PLPP4: variants seen among roughly 807,000 people sequenced by gnomAD.
PLPP4 encodes phospholipid phosphatase 4.
In PLPP4, 20 loss-of-function variants were observed where a neutral mutation model predicts 32.2. That is an observed-to-expected ratio of 0.62 (90% confidence interval 0.44 to 0.90). PLPP4 has a LOEUF of 0.90. PLPP4 is among the 40% of genes least tolerant of loss of function. PLPP4 has a pLI of 0.00. For missense variants in PLPP4, 257 were observed against 353.1 expected, an observed-to-expected ratio of 0.73 and a Z score of 2.18; for synonymous variants, 127 against 133.0, an observed-to-expected ratio of 0.95 and a Z score of 0.31.
intron 1 of PLPP4, among the ~76,000 whole-genome samples, chr10:120,501,717 T>G (rs1332245169): frequency 6.6e-6 from 1 of 152,230 alleles, no homozygotes; most frequent in Non-Finnish European, 1.5e-5. Context: ...TATCATTTAG[T>G]TCAATGCTGG....
chr10:120,483,970 T>C (rs567567931), intron 1 of PLPP4, among the ~76,000 whole-genome samples: 1 of 152,294 alleles, frequency 6.6e-6, no homozygotes, highest in Admixed American at 6.5e-5. Flanking sequence ...TATTTCTCTA[T>C]AGCAACACAA....
At chr10:120,530,169 A>G (rs756545382) in intron 5 of PLPP4, among the ~76,000 whole-genome samples, 1 of 152,342 alleles carries the variant, frequency 6.6e-6, no homozygotes, top group South Asian at 2.1e-4. Context: ...ATTAGCATCA[A>G]AATGCATAAA....
upstream of PLPP4, chr10:120,457,082 T>C (rs1405985387): frequency 2.4e-5 from 5 of 208,840 alleles, no homozygotes; most frequent in African/African-American, 1.2e-4. Context: ...GTCCGCAGTA[T>C]CGCCAGCGGC....
intron 3 of PLPP4, among the ~76,000 whole-genome samples, chr10:120,514,405 C>T (rs1337901406): frequency 6.6e-6 from 1 of 152,152 alleles, no homozygotes; most frequent in African/African-American, 2.4e-5. Flanking sequence ...ACAGACTCCT[C>T]GACCAAACAC....
chr10:120,541,798 G>A (rs796306898), intron 5 of PLPP4, among the ~76,000 whole-genome samples: 32 of 145,476 alleles, frequency 2.2e-4, no homozygotes, highest in African/African-American at 7.9e-4. Flanking sequence ...TTTTTGAGAT[G>A]GAGTCTCGCA....
intron 5 of PLPP4, among the ~76,000 whole-genome samples, chr10:120,526,074 T>C (rs1846374919): frequency 6.6e-6 from 1 of 152,128 alleles, no homozygotes; most frequent in Non-Finnish European, 1.5e-5. Context: ...ACTGTCTAGC[T>C]CTTTGTCTTT....
intron 1 of PLPP4, among the ~76,000 whole-genome samples, chr10:120,465,994 A>C (rs373821663): frequency 6.6e-6 from 1 of 152,070 alleles, no homozygotes; most frequent in African/African-American, 2.4e-5. Flanking sequence ...CAATGCTGCT[A>C]TTGGTTTTTG....
At chr10:120,530,070 C>T (rs376065282) in intron 5 of PLPP4, among the ~76,000 whole-genome samples, 9 of 152,178 alleles carry the variant, frequency 5.9e-5, no homozygotes, top group African/African-American at 9.7e-5. Flanking sequence ...CAGCATTCTG[C>T]CCTTCTTGTA....
chr10:120,496,150 G>A (rs1409745365), intron 1 of PLPP4, among the ~76,000 whole-genome samples: 2 of 152,332 alleles, frequency 1.3e-5, no homozygotes, highest in East Asian at 3.9e-4. Context: ...GCCCCCTGGA[G>A]TCTTAACCTA....
intron 2 of PLPP4, among the ~76,000 whole-genome samples, chr10:120,508,522 C>T (rs1845599666): frequency 6.6e-6 from 1 of 152,302 alleles, no homozygotes; most frequent in African/African-American, 2.4e-5. Context: ...AAGTCCTTGG[C>T]ATCCTCATGC....
At chr10:120,497,627 T>C (rs1226881484) in intron 1 of PLPP4, among the ~76,000 whole-genome samples, 1 of 152,172 alleles carries the variant, frequency 6.6e-6, no homozygotes, top group African/African-American at 2.4e-5. Context: ...TCTTGCCCTG[T>C]CTTATGGTGC....
intron 5 of PLPP4, among the ~76,000 whole-genome samples, chr10:120,562,665 G>A (rs1202875883): frequency 1.3e-5 from 2 of 152,050 alleles, no homozygotes; most frequent in Admixed American, 6.6e-5. Context: ...GTGTTAATGC[G>A]GTCATTTATA....
chr10:120,520,804 C>A (rs1846116441), intron 4 of PLPP4, among the ~76,000 whole-genome samples, 167 bp from the exon 5 acceptor site: 1 of 151,386 alleles, frequency 6.6e-6, no homozygotes, highest in South Asian at 2.1e-4. Flanking sequence ...AAAACCTGAG[C>A]TTTTTCCCAA....
chr10:120,457,114 C>A, upstream of PLPP4: 1 of 242,586 alleles, frequency 4.1e-6, no homozygotes, highest in African/African-American at 2.3e-5. Context: ...CCCGGAGCCC[C>A]GGAGCCCGAG....
At chr10:120,518,965 A>G in intron 4 of PLPP4, 69 bp downstream of exon 4, 4 of 1,268,604 alleles carry the variant, frequency 3.2e-6, no homozygotes, top group Non-Finnish European at 4.5e-6. Flanking sequence ...GCTGGGCCAG[A>G]GGACACTGGA....
chr10:120,496,818 G>C (rs1844983634), intron 1 of PLPP4, among the ~76,000 whole-genome samples: 3 of 152,116 alleles, frequency 2.0e-5, no homozygotes, highest in South Asian at 4.2e-4. Context: ...TTTAAGTCAT[G>C]TTGAGCTATG....
chr10:120,458,902 ATTTG>A (rs1377438349), intron 1 of PLPP4, among the ~76,000 whole-genome samples: 3 of 152,226 alleles, frequency 2.0e-5, no homozygotes, highest in African/African-American at 7.2e-5. Context: ...AGAATTTAAC[ATTTG>A]TTGGGTGAAT....
intron 5 of PLPP4, among the ~76,000 whole-genome samples, chr10:120,567,282 C>G: frequency 6.6e-6 from 1 of 152,156 alleles, no homozygotes; most frequent in East Asian, 1.9e-4. Flanking sequence ...ATAGACATGT[C>G]TGGGTGTGAG....
At chr10:120,488,597 TGTAAA>T (rs750750493) in intron 1 of PLPP4, among the ~76,000 whole-genome samples, 1 of 152,204 alleles carries the variant, frequency 6.6e-6, no homozygotes, top group African/African-American at 2.4e-5. Context: ...CTCCTACAGT[TGTAAA>T]GTAATCAGTG....
Sources: allele counts gnomAD v4.1 joint callset (sites outside exome capture counted in the v4.1 genomes callset), GRCh38; gene constraint gnomAD v4.1.1; transcripts MANE v1.5; gene names NCBI Gene and HGNC (gene_info 2026-07-23, HGNC 2026-07-21).